ERC1: variants seen among roughly 807,000 people sequenced by gnomAD.
The protein encoded by ERC1 is RAB6 interacting protein 2.
A neutral mutation model predicts 132.0 loss-of-function variants in ERC1; 56 were observed. That is an observed-to-expected ratio of 0.42 (90% CI 0.34 to 0.53). ERC1 has a LOEUF of 0.53. ERC1 is among the 20% of genes least tolerant of loss of function. The pLI, the probability that ERC1 is intolerant of heterozygous loss-of-function variation, is 0.03. For missense variants in ERC1, 1,202 were observed against 1,349.9 expected (o/e 0.89, Z 1.72); for synonymous variants, 478 against 476.1 (o/e 1.00, Z -0.05).
At chr12:1,333,145 CTA>C (rs969687805) in intron 15 of ERC1, among the ~76,000 whole-genome samples, 3 of 151,696 alleles carry the variant, frequency 2.0e-5, no homozygotes, top group African/African-American at 7.3e-5. Context: ...TTGTTCCCCT[CTA>C]TGTGTCCGCG....
intron 13 of ERC1, among the ~76,000 whole-genome samples, chr12:1,262,790 G>A (rs1366532992): frequency 8.5e-5 from 13 of 152,206 alleles, no homozygotes; most frequent in Admixed American, 8.5e-4. Flanking sequence ...GTTACAGAGA[G>A]CAAATTTCTC....
At chr12:1,222,700 A>C (rs1178118110) in intron 12 of ERC1, among the ~76,000 whole-genome samples, 2 of 152,190 alleles carry the variant, frequency 1.3e-5, no homozygotes, top group Non-Finnish European at 2.9e-5. Flanking sequence ...TTAATTTGAC[A>C]ATAGAAGCAT....
chr12:1,216,811 TC>T (rs927102433), intron 12 of ERC1, among the ~76,000 whole-genome samples: 72 of 152,152 alleles, frequency 4.7e-4, no homozygotes, highest in African/African-American at 1.7e-3. Context: ...CCCTGGTTGA[TC>T]CTGTGAGGCC....
chr12:1,454,491 T>C (rs2093489305), intron 18 of ERC1, among the ~76,000 whole-genome samples: 1 of 152,186 alleles, frequency 6.6e-6, no homozygotes. Context: ...ACTGTGGGAC[T>C]GAGCCCTTAA....
chr12:1,401,638 A>G (rs985410697), intron 16 of ERC1, among the ~76,000 whole-genome samples: 1 of 151,920 alleles, frequency 6.6e-6, no homozygotes, highest in Non-Finnish European at 1.5e-5. Context: ...TACCAACTTC[A>G]TATTGTTGCT....
intron 3 of ERC1, among the ~76,000 whole-genome samples, chr12:1,093,506 T>G (rs1175735356): frequency 1.3e-5 from 2 of 152,202 alleles, no homozygotes; most frequent in Non-Finnish European, 2.9e-5. Context: ...TTTTGGGTCT[T>G]CAATCCATAT....
At chr12:1,222,620 CCTAGCTTA>C in intron 12 of ERC1, among the ~76,000 whole-genome samples, 1 of 152,104 alleles carries the variant, frequency 6.6e-6, no homozygotes, top group South Asian at 2.1e-4. Context: ...CTATTTAAGC[CCTAGCTTA>C]AGCTTCTCTT....
chr12:1,297,146 C>T (rs2080017982), intron 15 of ERC1, among the ~76,000 whole-genome samples: 1 of 150,450 alleles, frequency 6.6e-6, no homozygotes, highest in Non-Finnish European at 1.5e-5. Context: ...ATAGCTGAGT[C>T]CTTATCAGAA....
intron 8 of ERC1, among the ~76,000 whole-genome samples, chr12:1,176,829 C>A (rs1953781249): frequency 6.6e-6 from 1 of 152,208 alleles, no homozygotes. Flanking sequence ...CAATAAAAGG[C>A]TGTTTCATCT....
In ERC1 at chr12:1,408,234, C is replaced by G. The variant is rs778529867; in HGVS notation, c.3011C>G (p.Pro1004Arg). The G allele has an allele frequency of 1.2e-6, 2 of 1,612,850 alleles. No homozygotes were observed. The highest frequency in any genetic ancestry group is 3.3e-5 in the Admixed American group (2 of 59,964). Reference sequence around the variant, plus strand: ...CATTCCAATCAAACAAATCACAAGCCCTCCCCAGACCAGGTAAGATGGCTC... The same window carrying G: ...CATTCCAATCAAACAAATCACAAGCGCTCCCCAGACCAGGTAAGATGGCTC... ...SSHSNQTNHK[P>R]SPDQIIQPLL... Residue 1004 changes from proline (P) to arginine (R), a missense_variant, in exon 17 of 19, where the codon CCC becomes CGC. Physicochemically the swap from Pro to Arg is moderately radical, Grantham distance 103. Transcript: ENST00000360905.
intron 17 of ERC1, among the ~76,000 whole-genome samples, chr12:1,429,639 G>A (rs1034128812): frequency 6.6e-6 from 1 of 152,174 alleles, no homozygotes; most frequent in African/African-American, 2.4e-5. Context: ...ACTGCTAAAT[G>A]ATGGATTTTC....
intron 16 of ERC1, among the ~76,000 whole-genome samples, chr12:1,375,606 C>G (rs917372785): frequency 6.6e-6 from 1 of 152,264 alleles, no homozygotes; most frequent in East Asian, 1.9e-4. Flanking sequence ...GATAGCACAC[C>G]TGAAGCGCTT....
chr12:1,047,351 G>A (rs1022042680), intron 2 of ERC1, among the ~76,000 whole-genome samples: 1 of 151,990 alleles, frequency 6.6e-6, no homozygotes. Flanking sequence ...ATTAAAAATT[G>A]TTAAATGGCT....
intron 16 of ERC1, 92 bp downstream of exon 16, chr12:1,372,069 T>A: frequency 7.2e-7 from 1 of 1,395,578 alleles, no homozygotes; most frequent in South Asian, 1.4e-5. Flanking sequence ...TAAGGTCTCA[T>A]GTTTCATATT....
intron 14 of ERC1, among the ~76,000 whole-genome samples, chr12:1,279,952 C>T (rs371472259): frequency 6.6e-6 from 1 of 152,154 alleles, no homozygotes; most frequent in African/African-American, 2.4e-5. Flanking sequence ...CCTCAGCCTC[C>T]CAAAGTCCTG....
At chr12:1,177,100 C>T (rs2369702) in intron 8 of ERC1, among the ~76,000 whole-genome samples, 1 of 152,048 alleles carries the variant, frequency 6.6e-6, no homozygotes, top group Non-Finnish European at 1.5e-5. Flanking sequence ...TCACCTCTCT[C>T]AATCTTCATT....
chr12:1,388,299 G>A (rs1021822909), intron 16 of ERC1, among the ~76,000 whole-genome samples: 9 of 145,632 alleles, frequency 6.2e-5, no homozygotes, highest in African/African-American at 2.1e-4. Context: ...GCAGTGAACT[G>A]AGATTGCGCC....
intron 13 of ERC1, among the ~76,000 whole-genome samples, chr12:1,254,009 T>A (rs569573845): frequency 2.0e-5 from 3 of 152,214 alleles, no homozygotes; most frequent in African/African-American, 7.2e-5. Flanking sequence ...ACTCTGTGAG[T>A]GAAGTATTCG....
chr12:1,253,700 G>A (rs1000292946), intron 13 of ERC1, among the ~76,000 whole-genome samples: 1 of 152,026 alleles, frequency 6.6e-6, no homozygotes, highest in African/African-American at 2.4e-5. Context: ...GGCAGTGGAG[G>A]GTAGAGTCTT....
Sources: gnomAD v4.1 joint callset for allele counts (sites outside exome capture counted in the v4.1 genomes callset) on GRCh38, gnomAD v4.1.1 for gene constraint, MANE v1.5 for transcripts, NCBI Gene and HGNC (gene_info 2026-07-23, HGNC 2026-07-21) for gene names.